Variants in NIPBL observed in about 807,000 individuals in gnomAD.
NIPBL encodes NIPBL cohesin loading factor, also known as nipped-B-like protein.
In NIPBL, 19 loss-of-function variants were observed where a neutral mutation model predicts 321.8. The observed-to-expected ratio is 0.06, with a 90% CI of 0.04 to 0.09. The LOEUF (loss-of-function observed/expected upper bound fraction) is 0.09, where lower values mean the gene tolerates loss of function less well. Among genes scored for constraint, NIPBL ranks in the 10% least tolerant of loss-of-function variants. NIPBL has a pLI of 1.00. For missense variants in NIPBL, 2,210 were observed against 3,327.0 expected, an observed-to-expected ratio of 0.66 and a Z score of 8.26; for synonymous variants, 1,106 against 1,114.1, an observed-to-expected ratio of 0.99 and a Z score of 0.14.
Position 37,006,342 on chromosome 5 carries a change from A to C in NIPBL, c.3856-15A>C, listed in dbSNP as rs753466284. 9.1e-6 allele frequency: 12 copies of C among 1,313,460 alleles called. No homozygotes were observed. Among genetic ancestry groups the C allele is most frequent in the Middle Eastern group, 1.8e-4 (1 of 5,556 alleles). The allele number at this position is 1,313,460 out of a possible 1,614,324, so 81.4% of individuals were successfully genotyped here. A position where few individuals can be genotyped will look rare whatever the true frequency, so the allele number is the denominator to read the frequency against. ...ATGTGTTTATTTCCATTTCATTAAC[A>C]ATACTGTTTTACAGAATAACGATAC... On this transcript the variant is annotated splice_polypyrimidine_tract_variant and intron_variant, in intron 16 of 46. Coordinates refer to ENST00000282516, the MANE Select transcript of NIPBL (RefSeq NM_133433.4).
At chr5:37,060,391 T>C (rs1423414746) in intron 44 of NIPBL, among the ~76,000 whole-genome samples, 1 of 152,200 alleles carries the variant, frequency 6.6e-6, no homozygotes, top group African/African-American at 2.4e-5. Flanking sequence ...CTTGAACTCC[T>C]GGCCTCAAGT....
chr5:36,957,503 A>G (rs1475315989), intron 3 of NIPBL, among the ~76,000 whole-genome samples: 1 of 152,176 alleles, frequency 6.6e-6, no homozygotes, highest in Admixed American at 6.5e-5. Flanking sequence ...TTAGAATAGA[A>G]TGTATTTCTT....
At chr5:36,950,529 T>C (rs1740168604) in intron 1 of NIPBL, among the ~76,000 whole-genome samples, 1 of 152,136 alleles carries the variant, frequency 6.6e-6, no homozygotes, top group South Asian at 2.1e-4. Context: ...CACAAAGCAC[T>C]GTGCAGTATA....
chr5:36,877,152 C>G lies in NIPBL; in HGVS notation c.-106C>G, dbSNP rs1221361556. 6.5e-6 allele frequency: 2 copies of G among 305,912 alleles called. No homozygotes were observed. Among genetic ancestry groups the G allele is most frequent in the East Asian group, 5.7e-5 (1 of 17,542 alleles). The allele number at this position is 305,912 out of a possible 1,614,324, so 18.9% of individuals were successfully genotyped here. A position where few individuals can be genotyped will look rare whatever the true frequency, so the allele number is the denominator to read the frequency against. On this transcript the variant is annotated 5_prime_UTR_variant, in exon 1 of 47. Coordinates refer to ENST00000282516, the MANE Select transcript of NIPBL (RefSeq NM_133433.4). ...CTCGCCACAGCGGCCTCGGCCTCCC[C>G]TTGGATTCAGACGCCGATTCGCCCA...
intron 1 of NIPBL, among the ~76,000 whole-genome samples, chr5:36,908,203 A>G (rs1747785491): frequency 6.6e-6 from 1 of 152,148 alleles, no homozygotes. Flanking sequence ...CTTTTGGGGA[A>G]AAAACTCTTT....
chr5:37,026,198 T>G, intron 30 of NIPBL, 31 bp from the exon 31 acceptor site: 1 of 1,265,878 alleles, frequency 7.9e-7, no homozygotes, highest in Admixed American at 1.7e-5. Flanking sequence ...TTTGTTATAA[T>G]TAGTTAATTT....
At chr5:36,945,544 C>T (rs1739572568) in intron 1 of NIPBL, among the ~76,000 whole-genome samples, 1 of 152,102 alleles carries the variant, frequency 6.6e-6, no homozygotes, top group African/African-American at 2.4e-5. Context: ...GATATAGCTA[C>T]ACTATTGGGA....
intron 38 of NIPBL, 54 bp from the exon 39 acceptor site, chr5:37,048,448 G>A: frequency 1.0e-6 from 1 of 1,002,846 alleles, no homozygotes; most frequent in Non-Finnish European, 1.4e-6. Flanking sequence ...TTTATTAAAT[G>A]TTTTATTTAA....
chr5:36,997,508 C>A (rs568329702), intron 11 of NIPBL, among the ~76,000 whole-genome samples: 40 of 152,242 alleles, frequency 2.6e-4, no homozygotes, highest in Admixed American at 1.1e-3. Flanking sequence ...ATTGTCTCAT[C>A]TTATGGAGGC....
chr5:36,887,349 A>G (rs1745992174), intron 1 of NIPBL, among the ~76,000 whole-genome samples: 1 of 152,210 alleles, frequency 6.6e-6, no homozygotes, highest in African/African-American at 2.4e-5. Context: ...CTTTAGGTTT[A>G]GTGTTTGTAA....
intron 1 of NIPBL, among the ~76,000 whole-genome samples, chr5:36,878,249 G>T (rs1043607378): frequency 6.6e-6 from 1 of 152,172 alleles, no homozygotes; most frequent in Non-Finnish European, 1.5e-5. Flanking sequence ...ATTGTCATTG[G>T]CTGTTTGTGC....
intron 33 of NIPBL, among the ~76,000 whole-genome samples, chr5:37,037,337 A>G (rs756765675): frequency 2.0e-5 from 3 of 150,674 alleles, no homozygotes; most frequent in Non-Finnish European, 3.0e-5. Context: ...GCAGTGAGCC[A>G]AGATCACGCC....
intron 1 of NIPBL, among the ~76,000 whole-genome samples, chr5:36,906,014 G>T (rs1747607879): frequency 6.6e-6 from 1 of 152,120 alleles, no homozygotes; most frequent in African/African-American, 2.4e-5. Flanking sequence ...AAAGTGCTGG[G>T]ATTACAGGCG....
In NIPBL at chr5:37,048,693, T is replaced by C. The variant is rs781736801; in HGVS notation, c.6763+18T>C. On this transcript the variant is annotated intron_variant, in intron 39 of 46. Transcript: ENST00000282516. ...TAGAGACTGTAAGTGAAAATATATT[T>C]TTAAATTTCATAGCTACATTTATAT... 6.4e-5 allele frequency: 100 copies of C among 1,565,250 alleles called. No homozygotes were observed. The highest frequency in any genetic ancestry group is 7.8e-5 in the Non-Finnish European group (89 of 1,139,854).
At chr5:37,063,722 T>C in intron 45 of NIPBL, 68 bp from the exon 46 acceptor site, 1 of 1,486,604 alleles carries the variant, frequency 6.7e-7, no homozygotes. Flanking sequence ...ATAGAAAACA[T>C]TTAGGAATTT....
intron 10 of NIPBL, among the ~76,000 whole-genome samples, chr5:36,990,290 A>G (rs992094465): frequency 2.0e-5 from 3 of 152,186 alleles, no homozygotes; most frequent in Non-Finnish European, 2.9e-5. Context: ...TACACTACTA[A>G]ATGCTGATAA....
chr5:37,045,098 T>G (rs1207455357), intron 36 of NIPBL, among the ~76,000 whole-genome samples: 1 of 152,180 alleles, frequency 6.6e-6, no homozygotes, highest in East Asian at 1.9e-4. Flanking sequence ...ATGCCTGTAA[T>G]CCCAGCACTT....
At chr5:37,009,489 T>C (rs959626489) in intron 20 of NIPBL, among the ~76,000 whole-genome samples, 5 of 152,230 alleles carry the variant, frequency 3.3e-5, no homozygotes, top group African/African-American at 1.2e-4. Flanking sequence ...AAAATAATTA[T>C]TTTATCTTAA....
At chr5:36,878,981 T>G (rs1580126148) in intron 1 of NIPBL, among the ~76,000 whole-genome samples, 5 of 120,692 alleles carry the variant, frequency 4.1e-5, no homozygotes, top group South Asian at 3.3e-4. Flanking sequence ...GGTGGGGGGG[T>G]GTGCGAGTGG....
Sources: allele counts gnomAD v4.1 joint callset (sites outside exome capture counted in the v4.1 genomes callset), GRCh38; gene constraint gnomAD v4.1.1; transcripts MANE v1.5; gene names NCBI Gene and HGNC (gene_info 2026-07-23, HGNC 2026-07-21).